Variants in MGA observed in about 807,000 individuals in gnomAD.
The protein encoded by MGA is MAX gene-associated protein.
MGA carries 40 observed loss-of-function variants against 261.1 expected under a neutral mutation model. That is an observed-to-expected ratio of 0.15 (90% CI 0.12 to 0.20). The LOEUF (loss-of-function observed/expected upper bound fraction) is 0.20. Ranked by LOEUF, MGA falls within the 10% of genes least tolerant of loss-of-function variation. The pLI, the probability that MGA is intolerant of heterozygous loss-of-function variation, is 1.00. For missense variants in MGA, 3,397 were observed against 3,630.5 expected (o/e 0.94, Z 1.65); for synonymous variants, 1,302 against 1,290.6 (o/e 1.01, Z -0.19).
In MGA at chr15:41,688,724, T is replaced by C. The variant is rs2059103660; in HGVS notation, c.1065-7351T>C. Among the ~76,000 whole-genome samples, 4 of 70,346 alleles carry C rather than the reference T, an allele frequency of 5.7e-5. No homozygotes were observed. The South Asian group carries it at 1.9e-3, about 34-fold the overall frequency. 46.1% of individuals were successfully genotyped at this position (70,346 alleles called of 152,430 possible). Reference sequence around the variant, plus strand: ...ATTCCATTTATATAAAAATTACCTCTTTGTAATTTTTTTAGTGGTTGCATT... The same window carrying C: ...ATTCCATTTATATAAAAATTACCTCCTTGTAATTTTTTTAGTGGTTGCATT... On this transcript the variant is annotated intron_variant, in intron 2 of 23. Transcript: ENST00000219905.
At chr15:41,643,080 T>C (rs1043572521) in intron 1 of MGA, among the ~76,000 whole-genome samples, 1 of 147,970 alleles carries the variant, frequency 6.8e-6, no homozygotes, top group Non-Finnish European at 1.5e-5. Context: ...TTATTTTTTA[T>C]TTTTTTTTTA....
At chr15:41,682,819 T>A (rs1286173387) in intron 2 of MGA, among the ~76,000 whole-genome samples, 1 of 152,192 alleles carries the variant, frequency 6.6e-6, no homozygotes, top group African/African-American at 2.4e-5. Flanking sequence ...TTAAGCTGTC[T>A]TTACTGGTTT....
chr15:41,736,149 A>G (rs753749251), intron 12 of MGA, 32 bp from the exon 13 acceptor site: 2 of 1,448,356 alleles, frequency 1.4e-6, no homozygotes, highest in Non-Finnish European at 1.8e-6. Context: ...TAATCTTTCA[A>G]CTTTTTCTTT....
intron 9 of MGA, among the ~76,000 whole-genome samples, chr15:41,722,936 C>G (rs2061030691): frequency 6.6e-6 from 1 of 152,086 alleles, no homozygotes; most frequent in Non-Finnish European, 1.5e-5. Context: ...TTTTAAGTCC[C>G]ACGAGTAACT....
chr15:41,698,060 CGG>C (rs377133224), intron 3 of MGA, among the ~76,000 whole-genome samples: 1,979 of 148,586 alleles, frequency 0.013, 51 homozygotes, highest in African/African-American at 0.047. Context: ...TTAGTAGAGA[CGG>C]GGTTTCACCA....
intron 5 of MGA, among the ~76,000 whole-genome samples, chr15:41,700,762 T>A (rs915639474): frequency 3.3e-5 from 5 of 152,222 alleles, no homozygotes; most frequent in Admixed American, 3.3e-4. Context: ...CAATTTTTAG[T>A]TTCTTACGAC....
rs774959847 is a variant in MGA at position 41,736,311 on chromosome 15, C to G, written c.4047C>G (p.Asn1349Lys). 9 of 1,613,946 alleles carry G rather than the reference C, an allele frequency of 5.6e-6. No homozygotes were observed. Among genetic ancestry groups the G allele is most frequent in the Non-Finnish European group, 6.8e-6 (8 of 1,179,876 alleles). ...ACTGCAACTGGGAGGAAGATCGGAA[C>G]AAGATTTTGAGCATCTTATCCCAGC... is the stretch of plus-strand genomic sequence containing the variant. Residue 1349 changes from asparagine (N) to lysine (K), a missense_variant, in exon 13 of 24, where the codon AAC (asparagine) becomes AAG (lysine). Physicochemically the swap from Asn to Lys is moderately conservative, Grantham distance 94 (BLOSUM62 0). Coordinates refer to ENST00000219905, the MANE Select transcript of MGA (RefSeq NM_001164273.2).
At chr15:41,723,932 G>T (rs1374533516) in intron 9 of MGA, among the ~76,000 whole-genome samples, 1 of 151,262 alleles carries the variant, frequency 6.6e-6, no homozygotes, top group East Asian at 1.9e-4. Context: ...GATATTAAGA[G>T]AAATATGAAT....
intron 9 of MGA, among the ~76,000 whole-genome samples, chr15:41,724,783 A>C (rs2061139005): frequency 6.6e-6 from 1 of 152,148 alleles, no homozygotes; most frequent in Non-Finnish European, 1.5e-5. Flanking sequence ...TAATTGACTC[A>C]ATCACTTTCT....
Position 41,748,924 on chromosome 15 carries a change from C to G in MGA, c.5500C>G (p.Pro1834Ala). 2 of 1,613,218 alleles carry G rather than the reference C, an allele frequency of 1.2e-6. No homozygotes were observed. The highest frequency in any genetic ancestry group is 1.7e-6 in the Non-Finnish European group (2 of 1,179,580). ...CTTACAGCCTGTCATGTTTCGGAAC[C>G]CAGGTATAAAGTTCTTTTTTATGAA... The change falls in exon 16 of 24, where the codon CCA becomes GCA. Residue 1834 changes from proline to alanine, a missense_variant. Pro to Ala is a conservative substitution (Grantham distance 27). This residue lies in a region of MGA where 1,410 missense variants were observed against 1,386.4 expected (regional missense o/e 1.02). Coordinates refer to ENST00000219905, the MANE Select transcript of MGA (RefSeq NM_001164273.2).
At position 41,696,067 on chromosome 15, in the gene MGA, C is replaced by T; in HGVS notation, c.1065-8C>T. 1.9e-6 allele frequency: 3 copies of T among 1,572,870 alleles called. No individual in the cohort carries two copies. The highest frequency in any genetic ancestry group is 2.3e-5 in the South Asian group (2 of 87,354). On this transcript the variant is annotated splice_region_variant and splice_polypyrimidine_tract_variant and intron_variant, in intron 2 of 23. Transcript: ENST00000219905. The stretch of plus-strand genomic sequence containing the variant: ...CTTTTAAAATCCCTTTCTCCTCTCT[C>T]TCTCCAGTCTTATTGCCAGCAGTTT...
At chr15:41,752,594 G>T (rs1474355200) in intron 17 of MGA, among the ~76,000 whole-genome samples, 3 of 120,032 alleles carry the variant, frequency 2.5e-5, no homozygotes, top group African/African-American at 9.5e-5. Context: ...TCGCTTTGTC[G>T]CCCAGGCTGG....
chr15:41,716,053 A>AT (rs919342678), intron 9 of MGA, among the ~76,000 whole-genome samples: 3 of 151,608 alleles, frequency 2.0e-5, no homozygotes, highest in Non-Finnish European at 4.4e-5. Flanking sequence ...TTATTAAAGT[A>AT]TTTTTTTGTT....
chr15:41,712,951 A>G lies in MGA; in HGVS notation c.3085-200A>G, dbSNP rs188429492. Among the ~76,000 whole-genome samples the G allele has an allele frequency of 5.9e-5, 9 of 152,342 alleles. No homozygotes were observed. In the South Asian group the frequency reaches 8.3e-4, roughly 14 times the overall value. On this transcript the variant is annotated intron_variant, in intron 8 of 23. Coordinates refer to ENST00000219905, the MANE Select transcript of MGA (RefSeq NM_001164273.2). ...AAATCCATCCTTGATAGTTTTGCCC[A>G]TAATTGTCTGTACTAAGCATTAGAA...
chr15:41,696,192 T>C lies in MGA; in HGVS notation c.1182T>C (p.Gly394=). The change falls in exon 3 of 24, where the codon GGT becomes GGC. Residue 394 remains glycine, a synonymous_variant. Coordinates refer to ENST00000219905, the MANE Select transcript of MGA (RefSeq NM_001164273.2). ...TAGATGATTATGACTACGAACTTGG[T>C]GAGTGCCCAGAAGGGGTCACTGTGA... The C allele has an allele frequency of 6.2e-7, 1 of 1,613,924 alleles. No individual in the cohort carries two copies. The highest frequency in any genetic ancestry group is 8.5e-7 in the Non-Finnish European group (1 of 1,179,868).
chr15:41,700,105 C>A lies in MGA; in HGVS notation c.2188+946C>A, dbSNP rs377160473. The stretch of plus-strand genomic sequence containing the variant: ...TCTCGCCCAGGCTGGAGTGCAGTGG[C>A]ACGATCTCAGCTCACTGCAAGCTCT... On this transcript the variant is annotated intron_variant, in intron 5 of 23. Coordinates refer to ENST00000219905, the MANE Select transcript of MGA (RefSeq NM_001164273.2). Among the ~76,000 whole-genome samples, 8 of 138,094 alleles carry A rather than the reference C, an allele frequency of 5.8e-5. No individual in the cohort carries two copies. The East Asian group carries it at 1.8e-3, about 31-fold the overall frequency. The allele number at this position is 138,094 out of a possible 152,430, so 90.6% of individuals were successfully genotyped here.
Position 41,766,393 on chromosome 15 carries a change from A to G in MGA, c.8311A>G (p.Lys2771Glu), listed in dbSNP as rs1049509135. ...ATCAAGAGGGGAGAGAGTGAAGTCA[A>G]AGGATTCTTCATTTCATAAATTAAA... is the stretch of plus-strand genomic sequence containing the variant. The change falls in exon 24 of 24, where the codon AAG becomes GAG. Residue 2771 changes from lysine to glutamate, a missense_variant. By Grantham distance (56) the Lys-to-Glu change is moderately conservative. This residue lies in a region of MGA where 647 missense variants were observed against 642.4 expected (regional missense o/e 1.01). Coordinates refer to ENST00000219905, the MANE Select transcript of MGA (RefSeq NM_001164273.2). The G allele has an allele frequency of 6.2e-7, 1 of 1,613,816 alleles. No homozygotes were observed. Among genetic ancestry groups the G allele is most frequent in the African/African-American group, 1.3e-5 (1 of 74,932 alleles).
rs1741494917 is a variant in MGA at position 41,750,520 on chromosome 15, G to C, written c.6913G>C (p.Asp2305His). 1 of 1,613,524 alleles carries C rather than the reference G, an allele frequency of 6.2e-7. No homozygotes were observed. The highest frequency in any genetic ancestry group is 1.7e-5 in the Admixed American group (1 of 59,916). The stretch of plus-strand genomic sequence containing the variant: ...CACTGTTTTGGATTTGGAAGAAGAT[G>C]ATGAAGATGATAATGAGAAAACTGA... The change falls in exon 17 of 24, where the codon GAT becomes CAT. Residue 2305 changes from aspartate to histidine, a missense_variant. Asp to His is a moderately conservative substitution (Grantham distance 81). Coordinates refer to ENST00000219905, the MANE Select transcript of MGA (RefSeq NM_001164273.2).
intron 9 of MGA, chr15:41,718,301 G>GTA (rs57814590): frequency 0.12 from 23,881 of 192,372 alleles, 1,568 homozygotes; most frequent in African/African-American, 0.2. Flanking sequence ...GTGTGTGTGT[G>GTA]TATATATATA....
Sources: allele counts gnomAD v4.1 joint callset (sites outside exome capture counted in the v4.1 genomes callset), GRCh38; gene constraint gnomAD v4.1.1; regional missense constraint gnomAD v4.1.1; transcripts MANE v1.5; gene names NCBI Gene and HGNC (gene_info 2026-07-23, HGNC 2026-07-21).